The following SEMA6D variants were observed in gnomAD, a reference collection of about 807,000 sequenced individuals.
SEMA6D encodes semaphorin 6D, also known as semaphorin-6D.
A neutral mutation model predicts 106.6 loss-of-function variants in SEMA6D; 35 were observed. The ratio of observed to expected loss-of-function variants is 0.33; its 90% CI spans 0.25 to 0.44. The LOEUF (loss-of-function observed/expected upper bound fraction) is 0.44. Ranked by LOEUF, SEMA6D falls within the 20% of genes least tolerant of loss-of-function variation. The probability of loss-of-function intolerance (pLI) is 1.00; values close to 1 mark genes in which losing one functional copy is unlikely to be tolerated. For synonymous variants in SEMA6D, 499 were observed against 487.7 expected, an observed-to-expected ratio of 1.02 and a Z score of -0.31; for missense variants, 1,185 against 1,345.9, an observed-to-expected ratio of 0.88 and a Z score of 1.87.
At chr15:47,260,785 C>T (rs916879279) in intron 1 of SEMA6D, among the ~76,000 whole-genome samples, 1 of 152,070 alleles carries the variant, frequency 6.6e-6, no homozygotes, top group African/African-American at 2.4e-5. Flanking sequence ...AAAAATAGTG[C>T]TTTCCTTGGA....
rs183553590 is a variant in SEMA6D, at chr15:47,201,943, G to A, written c.-239+17525G>A. On this transcript the variant is annotated intron_variant, in intron 1 of 19. Transcript: ENST00000558014. ...ATAAAAAACCTCTGCTGGCTTTTTT[G>A]GGGGGTCAGCTGGAGGATCCTTGAG... Among the ~76,000 whole-genome samples, 13 of 152,060 alleles carry A rather than the reference G, an allele frequency of 8.5e-5. No individual in the cohort carries two copies. The East Asian group carries it at 1.9e-3, about 23-fold the overall frequency.
chr15:47,430,919 C>G (rs1035089644), intron 2 of SEMA6D, among the ~76,000 whole-genome samples: 10 of 152,226 alleles, frequency 6.6e-5, no homozygotes, highest in Non-Finnish European at 1.5e-4. Flanking sequence ...CAGCAAAACT[C>G]AGATGGTCAT....
chr15:47,565,057 T>C lies in SEMA6D; in HGVS notation c.-86-35808T>C, dbSNP rs184245096. Among the ~76,000 whole-genome samples, 10 of 152,296 alleles carry C rather than the reference T, an allele frequency of 6.6e-5. No homozygotes were observed. The East Asian group carries it at 1.9e-3, about 29-fold the overall frequency. On this transcript the variant is annotated intron_variant, in intron 3 of 19. Coordinates refer to the SEMA6D transcript ENST00000558014. ...CCACATTTACCATCCTTTAATTCTT[T>C]CATGTGACCTCATTTTTCCTGGATG...
Position 47,421,885 on chromosome 15 carries a change from G to C in SEMA6D, c.-159+9413G>C, listed in dbSNP as rs549321805. On this transcript the variant is annotated intron_variant, in intron 2 of 19. Coordinates refer to the SEMA6D transcript ENST00000558014. ...ACAAACAGTAAAATAACATTTGACT[G>C]TCTTTTCTAGAATCTATAAATAATC... Among the ~76,000 whole-genome samples the C allele has an allele frequency of 2.0e-5, 3 of 152,118 alleles. No individual in the cohort carries two copies. The East Asian group carries it at 5.8e-4, about 29-fold the overall frequency.
At chr15:47,554,211 A>T (rs2045851311) in intron 3 of SEMA6D, among the ~76,000 whole-genome samples, 1 of 152,206 alleles carries the variant, frequency 6.6e-6, no homozygotes, top group Non-Finnish European at 1.5e-5. Flanking sequence ...CTGAACTCAG[A>T]CACTCTAGTG....
intron 4 of SEMA6D, among the ~76,000 whole-genome samples, chr15:47,627,980 G>A (rs908732624): frequency 6.6e-6 from 1 of 151,902 alleles, no homozygotes; most frequent in Non-Finnish European, 1.5e-5. Context: ...CATGAATATT[G>A]CCTGAAGAGT....
chr15:47,287,806 TGAA>T (rs2035436353), intron 1 of SEMA6D, among the ~76,000 whole-genome samples: 10 of 152,176 alleles, frequency 6.6e-5, no homozygotes, highest in Admixed American at 6.6e-4. Context: ...TGCATTGCTA[TGAA>T]GAAGTGCCTG....
At chr15:47,197,647 C>T (rs1323479723) in intron 1 of SEMA6D, among the ~76,000 whole-genome samples, 1 of 151,910 alleles carries the variant, frequency 6.6e-6, no homozygotes, top group African/African-American at 2.4e-5. Context: ...AAAAAAAAAT[C>T]CTAGCATTAA....
intron 4 of SEMA6D, among the ~76,000 whole-genome samples, chr15:47,660,606 T>G (rs993579399): frequency 6.6e-6 from 1 of 152,196 alleles, no homozygotes; most frequent in African/African-American, 2.4e-5. Context: ...ACTGGGGTCT[T>G]GGGAAATCTT....
At chr15:47,188,563 C>T (rs1893730488) in intron 1 of SEMA6D, among the ~76,000 whole-genome samples, 1 of 151,994 alleles carries the variant, frequency 6.6e-6, no homozygotes, top group Non-Finnish European at 1.5e-5. Context: ...TTGCTTTAGG[C>T]ACAAGAAAGC....
intron 3 of SEMA6D, among the ~76,000 whole-genome samples, chr15:47,573,176 G>GA (rs532418855): frequency 5.5e-5 from 8 of 144,860 alleles, no homozygotes; most frequent in African/African-American, 5.1e-5. Flanking sequence ...AGTTAAATTA[G>GA]AAAAAAAAAA....
chr15:47,406,664 TATAAG>T (rs2040579271), intron 1 of SEMA6D, among the ~76,000 whole-genome samples: 1 of 151,768 alleles, frequency 6.6e-6, no homozygotes, highest in Admixed American at 6.6e-5. Flanking sequence ...AACCATCAGT[TATAAG>T]ATGAGTAAGT....
At chr15:47,223,401 T>C (rs970054922) in intron 1 of SEMA6D, among the ~76,000 whole-genome samples, 1 of 152,154 alleles carries the variant, frequency 6.6e-6, no homozygotes, top group African/African-American at 2.4e-5. Flanking sequence ...GTCTTGTTTT[T>C]CCGAAAGGTT....
intron 3 of SEMA6D, among the ~76,000 whole-genome samples, chr15:47,473,323 C>T (rs1339607206): frequency 6.6e-6 from 1 of 152,082 alleles, no homozygotes; most frequent in African/African-American, 2.4e-5. Context: ...GCCAGTGGAC[C>T]CTTGATAATA....
At position 47,252,148 on chromosome 15, in the gene SEMA6D, A is replaced by G. The variant is rs371037476; in HGVS notation, c.-239+67730A>G. Among the ~76,000 whole-genome samples, 55 of 145,226 alleles carry G rather than the reference A, an allele frequency of 3.8e-4. 2 individuals are homozygous for G. Among genetic ancestry groups the G allele is most frequent in the African/African-American group, 1.3e-3 (49 of 38,316 alleles). Reference sequence around the variant, plus strand: ...TAGCCAGGATGGTCTCGATCTCCTGACCTCGTGATCCGCCCGCCTCGGCCT... The same window carrying G: ...TAGCCAGGATGGTCTCGATCTCCTGGCCTCGTGATCCGCCCGCCTCGGCCT... On this transcript the variant is annotated intron_variant, in intron 1 of 19. Transcript: ENST00000558014.
At chr15:47,506,587 TACACAC>T (rs574337099) in intron 3 of SEMA6D, among the ~76,000 whole-genome samples, 1 of 94,380 alleles carries the variant, frequency 1.1e-5, no homozygotes, top group Non-Finnish European at 2.0e-5. Context: ...CATGGGCATT[TACACAC>T]ACACAAACAC....
intron 1 of SEMA6D, among the ~76,000 whole-genome samples, chr15:47,339,938 C>G (rs1170623959): frequency 6.6e-6 from 1 of 151,996 alleles, no homozygotes; most frequent in East Asian, 1.9e-4. Context: ...AAGAAAAATT[C>G]AATGGGATAA....
chr15:47,388,765 T>C (rs2039930330), intron 1 of SEMA6D, among the ~76,000 whole-genome samples: 1 of 151,104 alleles, frequency 6.6e-6, no homozygotes, highest in Non-Finnish European at 1.5e-5. Flanking sequence ...GAAAAGGAGA[T>C]AGGAGGAGGC....
chr15:47,671,556 C>T (rs1311998993), intron 4 of SEMA6D, among the ~76,000 whole-genome samples: 1 of 151,928 alleles, frequency 6.6e-6, no homozygotes, highest in Admixed American at 6.6e-5. Context: ...GGAACGTATT[C>T]GGGGACTACA....
Sources: allele counts gnomAD v4.1 joint callset (sites outside exome capture counted in the v4.1 genomes callset), GRCh38; gene constraint gnomAD v4.1.1; transcripts MANE v1.5; gene names NCBI Gene and HGNC (gene_info 2026-07-23, HGNC 2026-07-21).